CAPN8: variants seen among roughly 807,000 people sequenced by gnomAD.
CAPN8 encodes the protein calpain 8.
Under a neutral mutation model 80.9 loss-of-function variants are expected in CAPN8, and 87 were observed. The observed-to-expected ratio is 1.07, with a 90% CI of 0.90 to 1.28. The LOEUF (loss-of-function observed/expected upper bound fraction) is 1.28. Among genes scored for constraint, CAPN8 ranks in the 50% most tolerant of loss-of-function variants. The pLI is 0.00. For missense variants in CAPN8, 757 were observed against 702.0 expected (o/e 1.08, Z -0.89); for synonymous variants, 299 against 273.8 (o/e 1.09, Z -0.91).
chr1:223,662,445 T>C (rs1346986644), intron 1 of CAPN8, among the ~76,000 whole-genome samples: 1 of 149,320 alleles, frequency 6.7e-6, no homozygotes, highest in Non-Finnish European at 1.5e-5. Context: ...AAAGACTCTA[T>C]CTCAAACAAA....
intron 20 of CAPN8, 86 bp downstream of exon 20, chr1:223,543,022 A>G: frequency 7.0e-7 from 1 of 1,438,478 alleles, no homozygotes; most frequent in South Asian, 1.3e-5. Context: ...GACAGCCAAC[A>G]GGAATAAGCA....
At position 223,627,102 on chromosome 1, in the gene CAPN8, C is replaced by A; in HGVS notation, c.616G>T (p.Asp206Tyr). The change falls in exon 5 of 21, where the codon GAT (aspartate) becomes TAT (tyrosine). Residue 206 changes from aspartate (D) to tyrosine (Y), a missense_variant. Transcript: ENST00000366872. The part of the protein sequence containing the change: ...AGGSTVEGFE[D>Y]FTGGISEFYD... ...AACTCAGAGATGCCACCTGTGAAAT[C>A]CTCAAACCCCTCCACTGTGGAACCT... 6.4e-7 allele frequency: 1 copy of A among 1,552,330 alleles called. No homozygotes were observed. The highest frequency in any genetic ancestry group is 8.7e-7 in the Non-Finnish European group (1 of 1,147,124).
At chr1:223,656,668 G>GT (rs1331913444) in intron 1 of CAPN8, among the ~76,000 whole-genome samples, 3,777 of 94,386 alleles carry the variant, frequency 0.04, 480 homozygotes, top group Middle Eastern at 0.055. Context: ...CACGTTTTGG[G>GT]TTTTTTTGTT....
chr1:223,628,301 T>C (rs188470789), intron 3 of CAPN8, among the ~76,000 whole-genome samples, 159 bp from the exon 4 acceptor site: 3 of 152,254 alleles, frequency 2.0e-5, no homozygotes, highest in Admixed American at 2.0e-4. Context: ...ACATAGGAGA[T>C]GCCAGATGAA....
chr1:223,658,338 T>G (rs1400654387), intron 1 of CAPN8, among the ~76,000 whole-genome samples: 2 of 152,154 alleles, frequency 1.3e-5, no homozygotes, highest in Non-Finnish European at 2.9e-5. Flanking sequence ...CAATTACAAG[T>G]GAAATATACA....
At chr1:223,620,087 G>A in intron 8 of CAPN8, 105 bp downstream of exon 8, 1 of 926,268 alleles carries the variant, frequency 1.1e-6, no homozygotes, top group Non-Finnish European at 1.7e-6. Context: ...CCATGATCAG[G>A]AACCATGTCG....
At chr1:223,613,284 A>G (rs1657081909) in intron 10 of CAPN8, among the ~76,000 whole-genome samples, 1 of 152,260 alleles carries the variant, frequency 6.6e-6, no homozygotes. Context: ...GAAGTAGAAG[A>G]GTCCAGGGTC....
intron 11 of CAPN8, among the ~76,000 whole-genome samples, chr1:223,611,889 G>A (rs1247931008): frequency 6.6e-6 from 1 of 152,186 alleles, no homozygotes; most frequent in Admixed American, 6.5e-5. Context: ...GCTGAGCAGG[G>A]TGGATGCACC....
Position 223,618,311 on chromosome 1 carries a change from C to A in CAPN8, c.1135+982G>T, listed in dbSNP as rs748630878. On this transcript the variant is annotated intron_variant, in intron 9 of 20. Coordinates refer to ENST00000366872, the MANE Select transcript of CAPN8 (RefSeq NM_001143962.2). ...ACAGGGACACATTAGTGATCTTCTGCGAGCCAGGAAAGCTTCCCACCTTGC... is the reference window on the plus strand; with the variant it reads ...ACAGGGACACATTAGTGATCTTCTGAGAGCCAGGAAAGCTTCCCACCTTGC... 1.4e-5 allele frequency: 22 copies of A among 1,549,992 alleles called. No individual in the cohort carries two copies. In the Admixed American group the frequency reaches 2.9e-4, roughly 21 times the overall value.
intron 1 of CAPN8, among the ~76,000 whole-genome samples, chr1:223,658,739 G>A (rs896608018): frequency 6.6e-6 from 1 of 152,182 alleles, no homozygotes; most frequent in African/African-American, 2.4e-5. Context: ...CCAGGAGGCG[G>A]AGGTTGCAGT....
intron 16 of CAPN8, 140 bp downstream of exon 16, chr1:223,549,178 T>A (rs1337476442): frequency 1.8e-5 from 20 of 1,113,116 alleles, no homozygotes; most frequent in Non-Finnish European, 2.5e-5. Context: ...TCAAGTACAA[T>A]CCTTGACATA....
At position 223,545,294 on chromosome 1, in the gene CAPN8, A is replaced by G; in HGVS notation, c.1770T>C (p.Asn590=). 1 of 1,551,582 alleles carries G rather than the reference A, an allele frequency of 6.4e-7. No homozygotes were observed. The highest frequency in any genetic ancestry group is 8.7e-7 in the Non-Finnish European group (1 of 1,146,928). ...CCACCGCCCCCAAAGTGCCCGTTCC[A>G]TTGCTCTAGGCACATTAAAGACCAA... ...CREMISLLDS[N]GTGTLGAVEF... is the part of the protein sequence containing the mutation. The change falls in exon 17 of 21, where the codon AAT becomes AAC. Residue 590 remains asparagine (N), a synonymous_variant. Transcript: ENST00000366872.
intron 9 of CAPN8, chr1:223,617,280 T>TGGGG (rs34694834): frequency 5.8e-5 from 8 of 137,432 alleles, no homozygotes; most frequent in Admixed American, 7.2e-5. Context: ...ACTTTTTTTT[T>TGGGG]GGGGGGGGGG....
At chr1:223,628,305 A>G (rs544560943) in intron 3 of CAPN8, among the ~76,000 whole-genome samples, 163 bp from the exon 4 acceptor site, 14 of 152,334 alleles carry the variant, frequency 9.2e-5, no homozygotes, top group African/African-American at 2.9e-4. Flanking sequence ...AGGAGATGCC[A>G]GATGAACCCG....
intron 2 of CAPN8, among the ~76,000 whole-genome samples, chr1:223,641,688 C>T (rs866297822): frequency 3.3e-5 from 5 of 152,334 alleles, no homozygotes; most frequent in Non-Finnish European, 4.4e-5. Flanking sequence ...CCTACCACTA[C>T]TTTGCAAGTC....
chr1:223,554,633 C>T (rs1394936946), intron 13 of CAPN8, among the ~76,000 whole-genome samples: 1 of 151,962 alleles, frequency 6.6e-6, no homozygotes, highest in Non-Finnish European at 1.5e-5. Context: ...TCACGAAGAG[C>T]AACATGATTT....
chr1:223,642,028 A>T (rs1270799479), intron 2 of CAPN8, among the ~76,000 whole-genome samples: 3 of 152,202 alleles, frequency 2.0e-5, no homozygotes, highest in Non-Finnish European at 4.4e-5. Context: ...AGAACCTGGC[A>T]CACCTTACTA....
At chr1:223,625,678 G>A in intron 6 of CAPN8, 127 bp downstream of exon 6, 1 of 710,408 alleles carries the variant, frequency 1.4e-6, no homozygotes, top group East Asian at 2.9e-5. Context: ...ATCCCAATAT[G>A]GCAGTGAAGC....
At chr1:223,552,753 G>A (rs996644260) in intron 14 of CAPN8, among the ~76,000 whole-genome samples, 1 of 151,988 alleles carries the variant, frequency 6.6e-6, no homozygotes, top group Non-Finnish European at 1.5e-5. Context: ...TTTACAAGCC[G>A]AGCAAGGAGA....
Sources: allele counts gnomAD v4.1 joint callset (sites outside exome capture counted in the v4.1 genomes callset), GRCh38; gene constraint gnomAD v4.1.1; transcripts MANE v1.5; gene names NCBI Gene and HGNC (gene_info 2026-07-23, HGNC 2026-07-21).